RIMS2: variants seen among roughly 807,000 people sequenced by gnomAD.
RIMS2 encodes the protein regulating synaptic membrane exocytosis protein 2.
A neutral mutation model predicts 174.4 loss-of-function variants in RIMS2; 59 were observed. The ratio of observed to expected loss-of-function variants is 0.34; its 90% CI spans 0.27 to 0.42. The LOEUF (loss-of-function observed/expected upper bound fraction) is 0.42, where lower values mean the gene tolerates loss of function less well. Ranked by LOEUF, RIMS2 falls within the 10% of genes least tolerant of loss-of-function variation. RIMS2 has a pLI of 1.00. For missense variants in RIMS2, 1,620 were observed against 1,666.3 expected (o/e 0.97, Z 0.48); for synonymous variants, 606 against 572.5 (o/e 1.06, Z -0.84).
chr8:104,224,279 T>C (rs1191880221), intron 19 of RIMS2, among the ~76,000 whole-genome samples: 5 of 152,102 alleles, frequency 3.3e-5, no homozygotes, highest in East Asian at 1.9e-4. Flanking sequence ...AGTTAGAGGG[T>C]TGCTAGTACC....
At chr8:104,189,132 A>G (rs1348887) in intron 19 of RIMS2, among the ~76,000 whole-genome samples, 56,448 of 151,880 alleles carry the variant, frequency 0.37, 10,922 homozygotes, top group East Asian at 0.65. Context: ...TTTAAGAACA[A>G]TAAGCAGCCA....
rs575239373 is a variant in RIMS2, at chr8:103,659,480, T to C, written c.177-37606T>C. 3.3e-5 allele frequency among the ~76,000 whole-genome samples: 5 copies of C among 152,308 alleles called. No individual in the cohort carries two copies. In the East Asian group the frequency reaches 7.7e-4, roughly 24 times the overall value. On this transcript the variant is annotated intron_variant, in intron 1 of 23. Coordinates refer to ENST00000504942, the Ensembl canonical transcript of RIMS2. ...AGAAGGTAGTCAAGCACAAGGCAGC[T>C]GAGGTGGCCCTCAGACACCTCAAAG...
chr8:103,864,347 G>A (rs571558484), intron 3 of RIMS2, among the ~76,000 whole-genome samples: 13 of 152,142 alleles, frequency 8.5e-5, no homozygotes, highest in Non-Finnish European at 1.0e-4. Flanking sequence ...TCTTTTTGCT[G>A]CATCACAGAG....
At chr8:104,252,008 T>A, downstream of RIMS2, 1 of 596,644 alleles carries the variant, frequency 1.7e-6, no homozygotes, top group Admixed American at 3.0e-5. Context: ...GGCCCTCAGG[T>A]GAAAGAGCAG....
rs368700449 is a variant in RIMS2 at position 103,652,019 on chromosome 8, C to G, written c.177-45067C>G. On this transcript the variant is annotated intron_variant, in intron 1 of 23. Transcript: ENST00000504942. ...TTTAATATTAGTTTTCTGTTAAGGA[C>G]AAATGATTCATTTTCTCTTTTTTGT... is the stretch of plus-strand genomic sequence containing the variant. Among the ~76,000 whole-genome samples the G allele has an allele frequency of 5.9e-5, 9 of 152,044 alleles. No homozygotes were observed. The East Asian group carries it at 7.7e-4, about 13-fold the overall frequency.
chr8:103,601,081 T>C (rs112956095), intron 1 of RIMS2, among the ~76,000 whole-genome samples: 1,770 of 152,326 alleles, frequency 0.012, 33 homozygotes, highest in African/African-American at 0.039. Flanking sequence ...ATAGCGTTGT[T>C]TGAGCTCCTT....
chr8:103,641,033 A>G (rs2096218093), intron 1 of RIMS2, among the ~76,000 whole-genome samples: 1 of 152,100 alleles, frequency 6.6e-6, no homozygotes, highest in Admixed American at 6.6e-5. Flanking sequence ...CTTTGTTGTT[A>G]TGCACACACA....
At chr8:104,106,511 T>A (rs2098070112) in intron 19 of RIMS2, among the ~76,000 whole-genome samples, 1 of 152,186 alleles carries the variant, frequency 6.6e-6, no homozygotes, top group Middle Eastern at 3.2e-3. Context: ...CAGGTAAATA[T>A]TATTTCTATT....
At chr8:103,555,673 G>A (rs1464637221) in intron 1 of RIMS2, among the ~76,000 whole-genome samples, 1 of 151,790 alleles carries the variant, frequency 6.6e-6, no homozygotes, top group African/African-American at 2.4e-5. Flanking sequence ...GGTTAATGCT[G>A]GTAATCCCAA....
At chr8:104,019,669 T>C (rs543733858) in intron 19 of RIMS2, among the ~76,000 whole-genome samples, 8 of 152,316 alleles carry the variant, frequency 5.3e-5, no homozygotes, top group African/African-American at 1.9e-4. Context: ...ATTGCTTTGG[T>C]TCTGAATATC....
At chr8:103,848,736 C>A (rs140861425) in intron 3 of RIMS2, among the ~76,000 whole-genome samples, 1 of 151,948 alleles carries the variant, frequency 6.6e-6, no homozygotes, top group Non-Finnish European at 1.5e-5. Context: ...GGACCAATTG[C>A]GAATCTCTGG....
At chr8:103,890,392 G>A (rs1262034856) in intron 4 of RIMS2, among the ~76,000 whole-genome samples, 1 of 151,940 alleles carries the variant, frequency 6.6e-6, no homozygotes, top group Non-Finnish European at 1.5e-5. Context: ...GCAAGGTGTT[G>A]GATTGGATCC....
chr8:104,098,045 G>A (rs941048447), intron 19 of RIMS2, among the ~76,000 whole-genome samples: 10 of 152,150 alleles, frequency 6.6e-5, no homozygotes, highest in African/African-American at 2.4e-4. Flanking sequence ...AGATCTAATT[G>A]TATGATACAG....
intron 19 of RIMS2, among the ~76,000 whole-genome samples, chr8:104,075,381 T>G (rs2097269673): frequency 6.6e-6 from 1 of 152,226 alleles, no homozygotes; most frequent in African/African-American, 2.4e-5. Context: ...ATCTACTGTT[T>G]CATGAACAGA....
intron 1 of RIMS2, among the ~76,000 whole-genome samples, chr8:103,658,730 A>G (rs746634764): frequency 5.9e-5 from 9 of 152,106 alleles, no homozygotes; most frequent in Admixed American, 5.9e-4. Context: ...CACTCTTTTC[A>G]TGAAGTGTCC....
chr8:103,982,281 A>G (rs1305589968), intron 16 of RIMS2, among the ~76,000 whole-genome samples: 1 of 152,130 alleles, frequency 6.6e-6, no homozygotes, highest in African/African-American at 2.4e-5. Context: ...AAAAGCCTGA[A>G]CCCAATGGCT....
intron 3 of RIMS2, among the ~76,000 whole-genome samples, chr8:103,793,532 G>A (rs191875214): frequency 4.9e-4 from 74 of 152,272 alleles, no homozygotes; most frequent in African/African-American, 1.6e-3. Context: ...AGACAGGGAT[G>A]CCCTCTCTCA....
intron 19 of RIMS2, among the ~76,000 whole-genome samples, chr8:104,238,247 A>G (rs138939166): frequency 4.5e-4 from 69 of 152,194 alleles, no homozygotes; most frequent in Middle Eastern, 3.4e-3. Flanking sequence ...GATTTGAACA[A>G]TGAGAACACA....
At chr8:104,060,793 G>A (rs2154560318) in intron 19 of RIMS2, among the ~76,000 whole-genome samples, 1 of 152,270 alleles carries the variant, frequency 6.6e-6, no homozygotes, top group Admixed American at 6.5e-5. Flanking sequence ...TGGTTTCAAA[G>A]AACATCTTTA....
Sources: allele counts gnomAD v4.1 joint callset (sites outside exome capture counted in the v4.1 genomes callset), GRCh38; gene constraint gnomAD v4.1.1; transcripts MANE v1.5; gene names NCBI Gene and HGNC (gene_info 2026-07-23, HGNC 2026-07-21).